Variants in NIPAL3 observed in about 807,000 individuals in gnomAD.
NIPAL3 encodes the protein NIPA-like protein 3.
Under a neutral mutation model 47.2 loss-of-function variants are expected in NIPAL3, and 41 were observed. That is an observed-to-expected ratio of 0.87 (90% CI 0.68 to 1.13). The LOEUF (loss-of-function observed/expected upper bound fraction) is 1.13, where lower values mean the gene tolerates loss of function less well. Ranked by LOEUF, NIPAL3 falls within the 50% of genes most tolerant of loss-of-function variation. The pLI, the probability that NIPAL3 is intolerant of heterozygous loss-of-function variation, is 0.00. For missense variants in NIPAL3, 449 were observed against 530.1 expected (o/e 0.85, Z 1.50); for synonymous variants, 194 against 209.6 (o/e 0.93, Z 0.64).
Position 24,454,718 on chromosome 1 carries a change from C to A in NIPAL3, c.637+1214C>A, listed in dbSNP as rs1016882435. 9.0e-5 allele frequency: 24 copies of A among 266,696 alleles called. No individual in the cohort carries two copies. Among genetic ancestry groups the A allele is most frequent in the Non-Finnish European group, 1.2e-4 (21 of 172,826 alleles). 16.5% of individuals were successfully genotyped at this position (266,696 alleles called of 1,614,324 possible). A position where few individuals can be genotyped will look rare whatever the true frequency, so the allele number is the denominator to read the frequency against. On this transcript the variant is annotated intron_variant, in intron 7 of 11. Transcript: ENST00000374399. The surrounding 1 kb of genome is among the most constrained non-coding windows in gnomAD (Gnocchi z 4.1). ...CCCTGTGCCCATTAGCAGTCACTCC[C>A]TGTTCCCCTTTTCCCAGCCTCAGGC...
rs1008552883 is a variant in NIPAL3 at position 24,449,882 on chromosome 1, T to C, written c.540+256T>C. 9.2e-5 allele frequency among the ~76,000 whole-genome samples: 14 copies of C among 152,232 alleles called. No individual in the cohort carries two copies. Among genetic ancestry groups the C allele is most frequent in the South Asian group, 4.1e-4 (2 of 4,830 alleles). On this transcript the variant is annotated intron_variant, in intron 6 of 11. Coordinates refer to ENST00000374399, the MANE Select transcript of NIPAL3 (RefSeq NM_020448.5). The surrounding 1 kb of genome is among the most constrained non-coding windows in gnomAD (Gnocchi z 4.5). ...AAAACATTTGACACTAATTACCAAA[T>C]TGAATATCCACATATCCTATGGAGG...
intron 2 of NIPAL3, among the ~76,000 whole-genome samples, chr1:24,434,727 A>G (rs557869160): frequency 6.6e-6 from 1 of 152,344 alleles, no homozygotes; most frequent in African/African-American, 2.4e-5. Context: ...AAATTATACA[A>G]AGTATGTTTT....
chr1:24,432,459 A>T (rs1644921721), intron 2 of NIPAL3, among the ~76,000 whole-genome samples: 1 of 152,198 alleles, frequency 6.6e-6, no homozygotes, highest in African/African-American at 2.4e-5. Context: ...TGTATTCTGC[A>T]CTAGCCTGGG....
At chr1:24,461,740 G>T (rs1431855473) in intron 10 of NIPAL3, among the ~76,000 whole-genome samples, 2 of 141,348 alleles carry the variant, frequency 1.4e-5, no homozygotes, top group African/African-American at 2.6e-5. Context: ...ATGGTGGCAG[G>T]CACCTGTAAT....
rs141180412 is a variant in NIPAL3 at position 24,471,170 on chromosome 1, G to A, written c.*1985G>A. On this transcript the variant is annotated 3_prime_UTR_variant, in exon 12 of 12. Transcript: ENST00000374399. ...AGATTTGTATAAAGCATATAAAATA[G>A]GGTGATCACCCCCGAGGCAGAGGGG... 4.3e-4 allele frequency: 66 copies of A among 152,382 alleles called. No homozygotes were observed. Among genetic ancestry groups the A allele is most frequent in the African/African-American group, 1.5e-3 (62 of 41,586 alleles). The allele number at this position is 152,382 out of a possible 1,614,324, so 9.4% of individuals were successfully genotyped here.
Position 24,416,014 on chromosome 1 carries a change from A to G in NIPAL3, c.-258+110A>G. On this transcript the variant is annotated intron_variant, in intron 1 of 11. Transcript: ENST00000374399. The surrounding 1 kb of genome is among the most constrained non-coding windows in gnomAD (Gnocchi z 4.8). Reference sequence around the variant, plus strand: ...CCTAGTGTACATACCCTTCCTTCTTACTGTCACCAGCCTCGCCAACCTGGG... The same window carrying G: ...CCTAGTGTACATACCCTTCCTTCTTGCTGTCACCAGCCTCGCCAACCTGGG... 1.0e-6 allele frequency: 1 copy of G among 985,356 alleles called. No homozygotes were observed. The highest frequency in any genetic ancestry group is 1.2e-6 in the Non-Finnish European group (1 of 829,936). The allele number at this position is 985,356 out of a possible 1,614,324, so 61.0% of individuals were successfully genotyped here. A position where few individuals can be genotyped will look rare whatever the true frequency, so the allele number is the denominator to read the frequency against.
intron 9 of NIPAL3, among the ~76,000 whole-genome samples, 196 bp from the exon 10 acceptor site, chr1:24,460,285 G>A (rs1238493811): frequency 6.6e-6 from 1 of 152,130 alleles, no homozygotes; most frequent in African/African-American, 2.4e-5. Flanking sequence ...GGAGATCAGA[G>A]GGGTCTAAGG....
At position 24,469,538 on chromosome 1, in the gene NIPAL3, A is replaced by G. The variant is rs1646836041; in HGVS notation, c.*353A>G. The G allele has an allele frequency of 1.0e-5, 2 of 200,000 alleles. No individual in the cohort carries two copies. 12.4% of individuals were successfully genotyped at this position (200,000 alleles called of 1,614,324 possible). A position where few individuals can be genotyped will look rare whatever the true frequency, so the allele number is the denominator to read the frequency against. On this transcript the variant is annotated 3_prime_UTR_variant, in exon 12 of 12. Coordinates refer to ENST00000374399, the MANE Select transcript of NIPAL3 (RefSeq NM_020448.5). ...GTATCCTTCAGAGCTAAGGCAAGAC[A>G]GAGAGTCTGCTGTTAATTCTCAAAT...
rs1013634279 is a variant in NIPAL3, at chr1:24,454,534, G to A, written c.637+1030G>A. The stretch of plus-strand genomic sequence containing the variant: ...AATAGATACCTGTCACCGAAGACAG[G>A]GTTTCCTTAATTTTTTAACAGCTCT... On this transcript the variant is annotated intron_variant, in intron 7 of 11. Coordinates refer to ENST00000374399, the MANE Select transcript of NIPAL3 (RefSeq NM_020448.5). This position sits in a 1 kb window ranked among gnomAD's most constrained non-coding sequence, Gnocchi z 4.1. The A allele has an allele frequency of 4.0e-6, 4 of 988,758 alleles. No individual in the cohort carries two copies. The highest frequency in any genetic ancestry group is 4.8e-6 in the Non-Finnish European group (4 of 832,096). 61.2% of individuals were successfully genotyped at this position (988,758 alleles called of 1,614,324 possible). A position where few individuals can be genotyped will look rare whatever the true frequency, so the allele number is the denominator to read the frequency against.
At chr1:24,417,395 T>G (rs909593341) in intron 1 of NIPAL3, among the ~76,000 whole-genome samples, 4 of 152,234 alleles carry the variant, frequency 2.6e-5, no homozygotes, top group Non-Finnish European at 4.4e-5. Flanking sequence ...TGAGCCACTC[T>G]TAAGGCTCTT....
intron 3 of NIPAL3, among the ~76,000 whole-genome samples, chr1:24,440,899 C>T (rs1645351239): frequency 6.6e-6 from 1 of 152,174 alleles, no homozygotes. Flanking sequence ...CAGGGTTTTT[C>T]AGAGGGTCCC....
chr1:24,420,812 T>C (rs1258388539), intron 2 of NIPAL3, among the ~76,000 whole-genome samples: 1 of 152,166 alleles, frequency 6.6e-6, no homozygotes, highest in African/African-American at 2.4e-5. Flanking sequence ...CTGTCTCTAA[T>C]CTGGAGTGGC....
In NIPAL3 at chr1:24,454,288, G is replaced by T; in HGVS notation, c.637+784G>T. On this transcript the variant is annotated intron_variant, in intron 7 of 11. Coordinates refer to ENST00000374399, the MANE Select transcript of NIPAL3 (RefSeq NM_020448.5). The surrounding 1 kb of genome is among the most constrained non-coding windows in gnomAD (Gnocchi z 4.1). ...GGCGGAGGAGCAGGCTGGTGTCAGG[G>T]CTGGTGAAGCCTGCTACCGCGCTGC... 1.7e-6 allele frequency: 2 copies of T among 1,163,850 alleles called. No homozygotes were observed. The highest frequency in any genetic ancestry group is 1.1e-6 in the Non-Finnish European group (1 of 931,670). 72.1% of individuals were successfully genotyped at this position (1,163,850 alleles called of 1,614,324 possible).
intron 4 of NIPAL3, among the ~76,000 whole-genome samples, chr1:24,444,085 G>A (rs1645533365): frequency 6.6e-6 from 1 of 151,812 alleles, no homozygotes. Context: ...GGAAATGAAG[G>A]GGCCCTATAG....
intron 6 of NIPAL3, among the ~76,000 whole-genome samples, chr1:24,452,736 G>T (rs976456354): frequency 6.6e-6 from 1 of 151,898 alleles, no homozygotes; most frequent in African/African-American, 2.4e-5. Flanking sequence ...TTATTTTTTT[G>T]AGATGGAGCC....
intron 10 of NIPAL3, among the ~76,000 whole-genome samples, chr1:24,461,727 G>A (rs1483030084): frequency 6.6e-6 from 1 of 151,530 alleles, no homozygotes; most frequent in African/African-American, 2.4e-5. Context: ...AAATTAGCCA[G>A]GCATGGTGGC....
chr1:24,453,505 G>A lies in NIPAL3; in HGVS notation c.637+1G>A. On this transcript the variant is annotated splice_donor_variant, in intron 7 of 11. Coordinates refer to ENST00000374399, the MANE Select transcript of NIPAL3 (RefSeq NM_020448.5). LOFTEE classifies it high-confidence loss of function. ...ATTCTTCTCTTGGTGGCGTTACTTG[G>A]TAAGTTGGCATCTGGATGATTGAGT... 6.2e-7 allele frequency: 1 copy of A among 1,612,004 alleles called. No homozygotes were observed. Among genetic ancestry groups the A allele is most frequent in the Non-Finnish European group, 8.5e-7 (1 of 1,178,778 alleles).
intron 8 of NIPAL3, among the ~76,000 whole-genome samples, chr1:24,456,584 T>C (rs1463840025): frequency 6.6e-6 from 1 of 151,954 alleles, no homozygotes; most frequent in African/African-American, 2.4e-5. Flanking sequence ...AACCCCGTCT[T>C]TACTAAAAAT....
chr1:24,466,949 G>C (rs183275823), intron 11 of NIPAL3, among the ~76,000 whole-genome samples: 1 of 152,302 alleles, frequency 6.6e-6, no homozygotes, highest in East Asian at 1.9e-4. Flanking sequence ...GGTCTTCCCA[G>C]GCCATTTGCA....
Sources: allele counts gnomAD v4.1 joint callset (sites outside exome capture counted in the v4.1 genomes callset), GRCh38; gene constraint gnomAD v4.1.1; non-coding constraint Gnocchi (gnomAD v3.1); transcripts MANE v1.5; gene names NCBI Gene and HGNC (gene_info 2026-07-23, HGNC 2026-07-21).